Variants in GRIK4 observed in about 807,000 individuals in gnomAD.
GRIK4 encodes glutamate receptor ionotropic, kainate 4.
In GRIK4, 40 loss-of-function variants were observed where a neutral mutation model predicts 104.9. That is an observed-to-expected ratio of 0.38 (90% confidence interval 0.30 to 0.50). GRIK4 has a LOEUF of 0.50. GRIK4 is among the 20% of genes least tolerant of loss of function. The pLI, the probability that GRIK4 is intolerant of heterozygous loss-of-function variation, is 0.93. For synonymous variants in GRIK4, 485 were observed against 524.9 expected (o/e 0.92, Z 1.04); for missense variants, 1,047 against 1,308.1 (o/e 0.80, Z 3.08).
At chr11:120,882,519 A>AACTTCGAG (rs1954995514) in intron 11 of GRIK4, among the ~76,000 whole-genome samples, 1 of 152,130 alleles carries the variant, frequency 6.6e-6, no homozygotes, top group African/African-American at 2.4e-5. Flanking sequence ...TTGATGAGGA[A>AACTTCGAG]ACTTCGAGAC....
At chr11:120,777,901 C>T (rs187818592) in intron 3 of GRIK4, among the ~76,000 whole-genome samples, 119 of 149,044 alleles carry the variant, frequency 8.0e-4, no homozygotes, top group African/African-American at 2.9e-3. Flanking sequence ...AGCACCACTG[C>T]ACTCCAGCCT....
chr11:120,891,493 G>A (rs7125796), intron 11 of GRIK4, among the ~76,000 whole-genome samples: 4,031 of 152,264 alleles, frequency 0.026, 158 homozygotes, highest in African/African-American at 0.088. Context: ...GATTCAGGAC[G>A]TTTAAAATCT....
intron 13 of GRIK4, among the ~76,000 whole-genome samples, chr11:120,937,808 T>C (rs1250635596): frequency 2.0e-5 from 3 of 152,240 alleles, no homozygotes; most frequent in Non-Finnish European, 4.4e-5. Context: ...CAGGGACATA[T>C]GGAATTGTTT....
At chr11:120,848,882 C>T (rs370074183) in intron 8 of GRIK4, among the ~76,000 whole-genome samples, 176 of 152,052 alleles carry the variant, frequency 1.2e-3, no homozygotes, top group African/African-American at 4.0e-3. Flanking sequence ...AATTCCTAAC[C>T]GAGGGGGACA....
At chr11:120,729,601 T>C (rs1432749384) in intron 3 of GRIK4, among the ~76,000 whole-genome samples, 1 of 152,242 alleles carries the variant, frequency 6.6e-6, no homozygotes, top group African/African-American at 2.4e-5. Flanking sequence ...CATTTCTTAA[T>C]TGGATCATTG....
intron 3 of GRIK4, among the ~76,000 whole-genome samples, chr11:120,772,644 C>T (rs1027032909): frequency 3.3e-5 from 5 of 151,212 alleles, no homozygotes; most frequent in African/African-American, 4.9e-5. Context: ...TGTATGTGCG[C>T]GCGTGTGTGT....
intron 3 of GRIK4, among the ~76,000 whole-genome samples, chr11:120,695,713 C>G (rs779360789): frequency 2.2e-4 from 33 of 151,998 alleles, no homozygotes; most frequent in Non-Finnish European, 3.2e-4. Context: ...GGCTGACACC[C>G]CTATGACCAA....
intron 1 of GRIK4, among the ~76,000 whole-genome samples, chr11:120,580,807 G>C (rs1205630319): frequency 6.6e-6 from 1 of 152,106 alleles, no homozygotes; most frequent in Non-Finnish European, 1.5e-5. Flanking sequence ...GTTCTATATG[G>C]TAAGTGTATG....
chr11:120,861,443 A>T (rs1565398691), intron 8 of GRIK4, among the ~76,000 whole-genome samples: 1 of 152,104 alleles, frequency 6.6e-6, no homozygotes, highest in Admixed American at 6.6e-5. Context: ...GATGATGCTG[A>T]TGGTAGAATC....
At chr11:120,744,763 C>T (rs1951409905) in intron 3 of GRIK4, among the ~76,000 whole-genome samples, 1 of 152,142 alleles carries the variant, frequency 6.6e-6, no homozygotes, top group Non-Finnish European at 1.5e-5. Flanking sequence ...TTAATGGAAT[C>T]CATTTTCTTG....
intron 3 of GRIK4, among the ~76,000 whole-genome samples, chr11:120,798,705 C>T (rs1952568599): frequency 1.3e-5 from 2 of 152,120 alleles, no homozygotes; most frequent in African/African-American, 4.8e-5. Flanking sequence ...TGGTGTTGAA[C>T]TCCTGACATC....
intron 3 of GRIK4, among the ~76,000 whole-genome samples, chr11:120,690,878 A>T (rs1332831362): frequency 6.6e-6 from 1 of 152,176 alleles, no homozygotes; most frequent in Non-Finnish European, 1.5e-5. Context: ...TCTGTCTCGC[A>T]TATTTATGGG....
intron 3 of GRIK4, among the ~76,000 whole-genome samples, chr11:120,726,277 T>A (rs1951026505): frequency 6.6e-6 from 1 of 152,320 alleles, no homozygotes; most frequent in South Asian, 2.1e-4. Context: ...TTGTTTGCAG[T>A]AGAAAGCCTT....
intron 1 of GRIK4, among the ~76,000 whole-genome samples, chr11:120,629,894 C>T (rs1057168036): frequency 1.3e-5 from 2 of 152,192 alleles, no homozygotes; most frequent in Non-Finnish European, 2.9e-5. Flanking sequence ...TCTCTGCTGA[C>T]GGGGCCTGTC....
intron 1 of GRIK4, among the ~76,000 whole-genome samples, chr11:120,591,289 C>T (rs1049706790): frequency 1.3e-5 from 2 of 151,968 alleles, no homozygotes; most frequent in Non-Finnish European, 2.9e-5. Flanking sequence ...TAGGACTCAC[C>T]TGGGGCTGGT....
chr11:120,812,612 G>A (rs1319859939), intron 4 of GRIK4, among the ~76,000 whole-genome samples: 1 of 152,210 alleles, frequency 6.6e-6, no homozygotes, highest in Non-Finnish European at 1.5e-5. Context: ...TCTTATAGGT[G>A]AGAAAACAGG....
chr11:120,981,573 C>T (rs911991653), intron 19 of GRIK4, among the ~76,000 whole-genome samples: 2 of 152,106 alleles, frequency 1.3e-5, no homozygotes, highest in African/African-American at 4.8e-5. Flanking sequence ...GTGAACCACT[C>T]GTTTGGTGGG....
intron 3 of GRIK4, among the ~76,000 whole-genome samples, chr11:120,688,297 T>C (rs1022053873): frequency 1.3e-4 from 20 of 152,350 alleles, no homozygotes; most frequent in Admixed American, 8.5e-4. Flanking sequence ...AAGCATTGAT[T>C]GGCCACAAAC....
chr11:120,703,380 G>A (rs1950582791), intron 3 of GRIK4, among the ~76,000 whole-genome samples: 2 of 152,066 alleles, frequency 1.3e-5, no homozygotes, highest in African/African-American at 4.8e-5. Context: ...ATTGGCTTGA[G>A]GTGATGAGTC....
Sources: allele counts gnomAD v4.1 joint callset (sites outside exome capture counted in the v4.1 genomes callset), GRCh38; gene constraint gnomAD v4.1.1; transcripts MANE v1.5; gene names NCBI Gene and HGNC (gene_info 2026-07-23, HGNC 2026-07-21).